Variants in CDH10 observed in about 807,000 individuals in gnomAD.
CDH10 encodes the protein cadherin 10.
CDH10 carries 30 observed loss-of-function variants against 73.1 expected under a neutral mutation model. The observed-to-expected ratio is 0.41, with a 90% CI of 0.31 to 0.56. The LOEUF (loss-of-function observed/expected upper bound fraction) is 0.56, where lower values mean the gene tolerates loss of function less well. Among genes scored for constraint, CDH10 ranks in the 20% least tolerant of loss-of-function variants. The probability of loss-of-function intolerance (pLI) is 0.27; values close to 1 mark genes in which losing one functional copy is unlikely to be tolerated. For missense variants in CDH10, 815 were observed against 973.7 expected, an observed-to-expected ratio of 0.84 and a Z score of 2.17; for synonymous variants, 345 against 348.2, an observed-to-expected ratio of 0.99 and a Z score of 0.10.
At chr5:24,553,075 C>A (rs1048733650) in intron 2 of CDH10, among the ~76,000 whole-genome samples, 5 of 152,080 alleles carry the variant, frequency 3.3e-5, no homozygotes, top group African/African-American at 1.2e-4. Flanking sequence ...TCTTGTTGGG[C>A]AAGACAGACA....
chr5:24,602,382 G>A (rs1746595438), intron 1 of CDH10, among the ~76,000 whole-genome samples: 1 of 152,130 alleles, frequency 6.6e-6, no homozygotes, highest in African/African-American at 2.4e-5. Context: ...GCCACAATCT[G>A]TAAACTGCCA....
At chr5:24,488,665 G>A (rs1741933959) in intron 11 of CDH10, among the ~76,000 whole-genome samples, 1 of 151,880 alleles carries the variant, frequency 6.6e-6, no homozygotes, top group Non-Finnish European at 1.5e-5. Context: ...CTTTGCTGAT[G>A]AACTTACATA....
At chr5:24,627,878 A>T (rs552395746) in intron 1 of CDH10, among the ~76,000 whole-genome samples, 1 of 152,228 alleles carries the variant, frequency 6.6e-6, no homozygotes, top group South Asian at 2.1e-4. Flanking sequence ...CGCCACACAC[A>T]CACTAATATA....
At chr5:24,518,482 T>C (rs992347499) in intron 5 of CDH10, among the ~76,000 whole-genome samples, 2 of 152,052 alleles carry the variant, frequency 1.3e-5, no homozygotes, top group African/African-American at 4.8e-5. Context: ...TACACGTAAA[T>C]ATATGAGTGT....
chr5:24,498,840 T>A (rs193057019), intron 8 of CDH10, among the ~76,000 whole-genome samples: 187 of 152,346 alleles, frequency 1.2e-3, no homozygotes, highest in African/African-American at 4.4e-3. Context: ...ACTTATTAAA[T>A]CCTTGTTATA....
intron 8 of CDH10, 140 bp from the exon 9 acceptor site, chr5:24,498,659 A>G: frequency 1.7e-6 from 1 of 597,864 alleles, no homozygotes; most frequent in Non-Finnish European, 3.0e-6. Context: ...GAGCAAATGC[A>G]ATAAAGAAAA....
intron 5 of CDH10, among the ~76,000 whole-genome samples, chr5:24,524,487 T>C (rs1222192378): frequency 8.6e-6 from 1 of 116,386 alleles, no homozygotes; most frequent in East Asian, 3.0e-4. Flanking sequence ...CCTATTTGCA[T>C]GCTCCTTATT....
At chr5:24,521,909 G>A (rs1743346136) in intron 5 of CDH10, among the ~76,000 whole-genome samples, 2 of 152,206 alleles carry the variant, frequency 1.3e-5, no homozygotes, top group African/African-American at 4.8e-5. Flanking sequence ...GCTGAGGTGG[G>A]CGGATCACAA....
At chr5:24,500,193 T>C (rs1742439629) in intron 8 of CDH10, among the ~76,000 whole-genome samples, 1 of 152,156 alleles carries the variant, frequency 6.6e-6, no homozygotes, top group Non-Finnish European at 1.5e-5. Flanking sequence ...CTAAAAATAA[T>C]TTATATCCCC....
chr5:24,606,164 C>T (rs1238654391), intron 1 of CDH10, among the ~76,000 whole-genome samples: 1 of 152,122 alleles, frequency 6.6e-6, no homozygotes, highest in Non-Finnish European at 1.5e-5. Context: ...TATCAAAATT[C>T]ATAGAACTTT....
chr5:24,570,209 CTTTGT>C (rs1745327401), intron 2 of CDH10, among the ~76,000 whole-genome samples: 1 of 152,118 alleles, frequency 6.6e-6, no homozygotes, highest in Non-Finnish European at 1.5e-5. Context: ...TTCTATTCAA[CTTTGT>C]TTTAACTGAA....
chr5:24,616,773 T>G (rs949797142), intron 1 of CDH10, among the ~76,000 whole-genome samples: 7 of 152,142 alleles, frequency 4.6e-5, no homozygotes, highest in African/African-American at 1.7e-4. Context: ...GCCAAAGTCT[T>G]GTGTTTATCA....
intron 2 of CDH10, among the ~76,000 whole-genome samples, chr5:24,561,597 T>C (rs1744962290): frequency 6.6e-6 from 1 of 152,020 alleles, no homozygotes; most frequent in Non-Finnish European, 1.5e-5. Context: ...AGTCATCCCT[T>C]CTCTCCCACA....
intron 1 of CDH10, among the ~76,000 whole-genome samples, chr5:24,617,672 A>G (rs527637428): frequency 6.6e-6 from 1 of 152,326 alleles, no homozygotes; most frequent in Admixed American, 6.5e-5. Context: ...TCTGACCACA[A>G]ATTAATGGAA....
chr5:24,576,222 G>C (rs1210533370), intron 2 of CDH10, among the ~76,000 whole-genome samples: 3 of 151,966 alleles, frequency 2.0e-5, no homozygotes, highest in Admixed American at 2.0e-4. Flanking sequence ...TATTGCTAGT[G>C]ACAATAGCAA....
chr5:24,531,820 T>A (rs1743765188), intron 5 of CDH10, among the ~76,000 whole-genome samples: 1 of 152,216 alleles, frequency 6.6e-6, no homozygotes, highest in Non-Finnish European at 1.5e-5. Flanking sequence ...TAAATATTTT[T>A]ATATCAATGA....
At chr5:24,523,063 A>C (rs542887204) in intron 5 of CDH10, among the ~76,000 whole-genome samples, 1 of 152,184 alleles carries the variant, frequency 6.6e-6, no homozygotes, top group African/African-American at 2.4e-5. Flanking sequence ...TTAAATATGC[A>C]AAGATAACTA....
chr5:24,595,430 T>C (rs1433855269), intron 1 of CDH10, among the ~76,000 whole-genome samples: 1 of 151,964 alleles, frequency 6.6e-6, no homozygotes, highest in Non-Finnish European at 1.5e-5. Flanking sequence ...TCGTCCACAA[T>C]GCCTGAAGAC....
intron 1 of CDH10, among the ~76,000 whole-genome samples, chr5:24,595,687 G>C (rs534396871): frequency 6.6e-6 from 1 of 151,926 alleles, no homozygotes; most frequent in African/African-American, 2.4e-5. Flanking sequence ...GTAAGTGAGG[G>C]TTTCTGCTTT....
Sources: allele counts gnomAD v4.1 joint callset (sites outside exome capture counted in the v4.1 genomes callset), GRCh38; gene constraint gnomAD v4.1.1; transcripts MANE v1.5; gene names NCBI Gene and HGNC (gene_info 2026-07-23, HGNC 2026-07-21).